The following ATP6V1C1 variants were observed in gnomAD, a reference collection of about 807,000 sequenced individuals.
ATP6V1C1 encodes the protein ATPase H+ transporting V1 subunit C1.
In ATP6V1C1, 45 loss-of-function variants were observed where a neutral mutation model predicts 53.9. The observed-to-expected ratio is 0.83, with a 90% CI of 0.66 to 1.07. ATP6V1C1 has a LOEUF of 1.07. ATP6V1C1 is among the 50% of genes least tolerant of loss of function. The pLI is 0.00. For synonymous variants in ATP6V1C1, 153 were observed against 155.2 expected, an observed-to-expected ratio of 0.99 and a Z score of 0.11; for missense variants, 315 against 440.3, an observed-to-expected ratio of 0.72 and a Z score of 2.55.
chr8:103,062,167 T>TG (rs1817411672), intron 8 of ATP6V1C1, among the ~76,000 whole-genome samples: 4 of 126,070 alleles, frequency 3.2e-5, no homozygotes, highest in Admixed American at 1.6e-4. Context: ...CAGGGTTTTT[T>TG]TTTTTTTTTT....
At chr8:103,042,287 T>C in intron 2 of ATP6V1C1, 53 bp from the exon 3 acceptor site, 1 of 1,516,934 alleles carries the variant, frequency 6.6e-7, no homozygotes, top group Non-Finnish European at 9.1e-7. Context: ...ATCATCTTGT[T>C]TTTTTTTTTT....
At chr8:103,058,118 TAGAA>T (rs1465176208) in intron 8 of ATP6V1C1, among the ~76,000 whole-genome samples, 3 of 152,320 alleles carry the variant, frequency 2.0e-5, no homozygotes, top group South Asian at 2.1e-4. Context: ...TTTACTCTGA[TAGAA>T]AGACTTTAAA....
intron 1 of ATP6V1C1, among the ~76,000 whole-genome samples, chr8:103,033,365 C>T (rs530442083): frequency 4.4e-4 from 67 of 152,220 alleles, no homozygotes; most frequent in African/African-American, 1.4e-3. Flanking sequence ...ATAGAAAAAA[C>T]GGGAAGTGAG....
intron 8 of ATP6V1C1, among the ~76,000 whole-genome samples, chr8:103,056,810 T>A (rs569187940): frequency 6.6e-6 from 1 of 152,138 alleles, no homozygotes; most frequent in African/African-American, 2.4e-5. Flanking sequence ...GTGGAAGATA[T>A]AGGAGGCAGT....
At chr8:103,047,428 G>GCACA (rs1377123398) in intron 3 of ATP6V1C1, among the ~76,000 whole-genome samples, 26 of 117,582 alleles carry the variant, frequency 2.2e-4, no homozygotes, top group Non-Finnish European at 3.4e-4. Context: ...AAAAATGCGC[G>GCACA]CGCACACACA....
intron 10 of ATP6V1C1, among the ~76,000 whole-genome samples, chr8:103,063,905 A>G (rs1208200905): frequency 6.6e-6 from 1 of 152,226 alleles, no homozygotes; most frequent in Non-Finnish European, 1.5e-5. Flanking sequence ...AGTACTTTAT[A>G]AGCCATATCA....
chr8:103,028,362 T>G (rs1434298454), intron 1 of ATP6V1C1, among the ~76,000 whole-genome samples: 1 of 152,112 alleles, frequency 6.6e-6, no homozygotes, highest in African/African-American at 2.4e-5. Context: ...ACAGTGAAGA[T>G]TGGCAGATTT....
At chr8:103,045,932 C>T (rs1309938221) in intron 3 of ATP6V1C1, among the ~76,000 whole-genome samples, 1 of 150,286 alleles carries the variant, frequency 6.7e-6, no homozygotes, top group Non-Finnish European at 1.5e-5. Flanking sequence ...CAGAGCGTGA[C>T]TCCGTTTCAA....
Position 103,072,450 on chromosome 8 carries a change from T to C in ATP6V1C1, c.*3703T>C, listed in dbSNP as rs955991223. On this transcript the variant is annotated 3_prime_UTR_variant, in exon 13 of 13. Coordinates refer to ENST00000518738, the MANE Select transcript of ATP6V1C1 (RefSeq NM_001695.5). ...TGCCTGCCTTTATAAAAAATGTGAT[T>C]ATCTTCTTCTGTTAATGTCAATAAA... is the stretch of plus-strand genomic sequence containing the variant. 1 of 152,232 alleles carries C rather than the reference T, an allele frequency of 6.6e-6. No homozygotes were observed. Among genetic ancestry groups the C allele is most frequent in the African/African-American group, 2.4e-5 (1 of 41,458 alleles). The allele number at this position is 152,232 out of a possible 1,614,324, so 9.4% of individuals were successfully genotyped here.
At chr8:103,032,590 G>T (rs887508344) in intron 1 of ATP6V1C1, among the ~76,000 whole-genome samples, 14 of 151,864 alleles carry the variant, frequency 9.2e-5, no homozygotes, top group Non-Finnish European at 1.5e-5. Context: ...CAATTCTTGT[G>T]CCTCAGCCTC....
Position 103,048,934 on chromosome 8 carries a change from G to C in ATP6V1C1, c.265G>C (p.Glu89Gln). Residue 89 changes from glutamate (E) to glutamine (Q), a missense_variant, in exon 4 of 13, where the codon GAG becomes CAG. Coordinates refer to ENST00000518738, the MANE Select transcript of ATP6V1C1 (RefSeq NM_001695.5). ...GGAAGATAGCAAAGACAAAGTTCAA[G>C]AGAATCTGTTGGCTAATGGAGGTAA... ...VLEDSKDKVQ[E>Q]NLLANGVDLV... 2 of 1,613,204 alleles carry C rather than the reference G, an allele frequency of 1.2e-6. No homozygotes were observed. The highest frequency in any genetic ancestry group is 1.7e-6 in the Non-Finnish European group (2 of 1,179,604).
At chr8:103,028,924 T>C (rs1816743735) in intron 1 of ATP6V1C1, among the ~76,000 whole-genome samples, 1 of 152,258 alleles carries the variant, frequency 6.6e-6, no homozygotes, top group Admixed American at 6.5e-5. Context: ...TAATGGTCTC[T>C]AAACTTTTCA....
At chr8:103,026,842 C>G (rs1187136116) in intron 1 of ATP6V1C1, among the ~76,000 whole-genome samples, 1 of 152,140 alleles carries the variant, frequency 6.6e-6, no homozygotes, top group Admixed American at 6.6e-5. Context: ...TATTTTCTGA[C>G]AGTTTTAAAA....
chr8:103,040,711 ATATGT>A (rs1392536911), intron 1 of ATP6V1C1, 82 bp from the exon 2 acceptor site: 5 of 1,200,966 alleles, frequency 4.2e-6, no homozygotes, highest in African/African-American at 1.6e-5. Flanking sequence ...GAAACAGGTT[ATATGT>A]TATAACTTCT....
intron 4 of ATP6V1C1, among the ~76,000 whole-genome samples, chr8:103,050,443 G>A (rs1044828655): frequency 1.4e-4 from 22 of 152,272 alleles, no homozygotes; most frequent in South Asian, 4.2e-4. Context: ...GTCAGTTGGC[G>A]CTGCCATAAT....
chr8:103,049,403 GCCCCCT>G (rs1817160483), intron 4 of ATP6V1C1, among the ~76,000 whole-genome samples: 1 of 152,082 alleles, frequency 6.6e-6, no homozygotes, highest in East Asian at 1.9e-4. Context: ...GCAGAATAGT[GCCCCCT>G]CAGTATGATT....
intron 1 of ATP6V1C1, among the ~76,000 whole-genome samples, chr8:103,038,953 C>T (rs555325408): frequency 1.3e-5 from 2 of 152,250 alleles, no homozygotes; most frequent in East Asian, 3.9e-4. Context: ...AGCTTGTTGG[C>T]CATTTGGGAA....
chr8:103,033,386 C>T (rs1816832518), intron 1 of ATP6V1C1, among the ~76,000 whole-genome samples: 1 of 151,990 alleles, frequency 6.6e-6, no homozygotes, highest in South Asian at 2.1e-4. Flanking sequence ...GGAAGCTAAC[C>T]AACTATAATC....
rs746347189 is a variant in ATP6V1C1 at position 103,072,203 on chromosome 8, T to C, written c.*3456T>C. ...AATGAGTGCATATCCAGTAGTACCT[T>C]TAAAGTAACACTTTGTACATAACAA... On this transcript the variant is annotated 3_prime_UTR_variant, in exon 13 of 13. Coordinates refer to ENST00000518738, the MANE Select transcript of ATP6V1C1 (RefSeq NM_001695.5). The C allele has an allele frequency of 1.3e-5, 2 of 152,224 alleles. No individual in the cohort carries two copies. Among genetic ancestry groups the C allele is most frequent in the Non-Finnish European group, 2.9e-5 (2 of 68,028 alleles). 9.4% of individuals were successfully genotyped at this position (152,224 alleles called of 1,614,324 possible).
Sources: gnomAD v4.1 joint callset for allele counts (sites outside exome capture counted in the v4.1 genomes callset) on GRCh38, gnomAD v4.1.1 for gene constraint, MANE v1.5 for transcripts, NCBI Gene and HGNC (gene_info 2026-07-23, HGNC 2026-07-21) for gene names.